NBEA: variants seen among roughly 807,000 people sequenced by gnomAD.
NBEA encodes lysosomal-trafficking regulator 2.
Under a neutral mutation model 343.4 loss-of-function variants are expected in NBEA, and 44 were observed. The observed-to-expected ratio is 0.13, with a 90% CI of 0.10 to 0.16. The LOEUF (loss-of-function observed/expected upper bound fraction) is 0.16, where lower values mean the gene tolerates loss of function less well. NBEA is among the 10% of genes least tolerant of loss of function. The probability of loss-of-function intolerance (pLI) is 1.00; values close to 1 mark genes in which losing one functional copy is unlikely to be tolerated. For missense variants in NBEA, 2,555 were observed against 3,631.3 expected (o/e 0.70, Z 7.62); for synonymous variants, 1,175 against 1,238.7 (o/e 0.95, Z 1.08).
rs1204328622 is a variant in NBEA, at chr13:35,384,102, C to G, written c.6179+31779C>G. ...ATACCAAGGCCCAGTCACACCCATA[C>G]TGAGTGAGGTAGCATGCGGAAGTCA... On this transcript the variant is annotated intron_variant, in intron 38 of 58. Transcript: ENST00000379939. 3.9e-5 allele frequency among the ~76,000 whole-genome samples: 6 copies of G among 152,060 alleles called. No individual in the cohort carries two copies. The East Asian group carries it at 1.2e-3, about 29-fold the overall frequency.
At chr13:35,566,215 G>T (rs542078607) in intron 44 of NBEA, among the ~76,000 whole-genome samples, 128 of 152,174 alleles carry the variant, frequency 8.4e-4, no homozygotes, top group Non-Finnish European at 1.6e-3. Flanking sequence ...ACAAAAATTA[G>T]CCAGGTGCGG....
At chr13:35,093,553 C>T (rs569427440) in intron 10 of NBEA, among the ~76,000 whole-genome samples, 1 of 152,006 alleles carries the variant, frequency 6.6e-6, no homozygotes, top group Non-Finnish European at 1.5e-5. Context: ...GGAGCCAGCA[C>T]CAAGATAAAG....
At chr13:35,225,004 A>G (rs1372871256) in intron 33 of NBEA, among the ~76,000 whole-genome samples, 1 of 151,772 alleles carries the variant, frequency 6.6e-6, no homozygotes, top group African/African-American at 2.4e-5. Flanking sequence ...AAATTTCTCT[A>G]CTTTTACTTT....
intron 55 of NBEA, among the ~76,000 whole-genome samples, chr13:35,658,905 C>A (rs555413205): frequency 1.3e-5 from 2 of 152,260 alleles, no homozygotes; most frequent in East Asian, 3.9e-4. Flanking sequence ...CAGGCAGTCA[C>A]AGCACACACT....
chr13:35,228,560 G>A (rs1350821559), intron 33 of NBEA, among the ~76,000 whole-genome samples: 1 of 151,944 alleles, frequency 6.6e-6, no homozygotes, highest in Non-Finnish European at 1.5e-5. Flanking sequence ...CAAGTCACCA[G>A]CCTCCAGTGT....
chr13:35,042,416 CAT>C (rs1271848835), intron 2 of NBEA, among the ~76,000 whole-genome samples: 5 of 151,846 alleles, frequency 3.3e-5, no homozygotes, highest in South Asian at 4.1e-4. Flanking sequence ...TACATGTACA[CAT>C]GTTTTATAGA....
At chr13:35,098,624 T>G (rs2065458836) in intron 11 of NBEA, among the ~76,000 whole-genome samples, 1 of 152,086 alleles carries the variant, frequency 6.6e-6, no homozygotes, top group African/African-American at 2.4e-5. Context: ...AATAAAAAAT[T>G]TACATCTATA....
In NBEA at chr13:35,562,434, C is replaced by T. The variant is rs143693859; in HGVS notation, c.6923-4471C>T. 2.9e-3 allele frequency among the ~76,000 whole-genome samples: 447 copies of T among 151,998 alleles called. 1 individual carries two copies. The highest frequency in any genetic ancestry group is 5.0e-3 in the Non-Finnish European group (340 of 67,888). ...GCATTTTAAAAAATAGGAGAGTAAC[C>T]GCTAACACGGCTTTGTGTAAATGAT... On this transcript the variant is annotated intron_variant, in intron 44 of 58. Coordinates refer to ENST00000379939, the MANE Select transcript of NBEA (RefSeq NM_001385012.1).
At chr13:35,559,676 G>T (rs1049555196) in intron 44 of NBEA, among the ~76,000 whole-genome samples, 1 of 152,114 alleles carries the variant, frequency 6.6e-6, no homozygotes, top group Admixed American at 6.5e-5. Flanking sequence ...AGCACTTTGG[G>T]AGGCCGAGGC....
At chr13:35,515,977 G>T (rs1036383965) in intron 41 of NBEA, among the ~76,000 whole-genome samples, 1 of 152,104 alleles carries the variant, frequency 6.6e-6, no homozygotes, top group African/African-American at 2.4e-5. Context: ...GGTAACACAG[G>T]TGTTTTGCTG....
At chr13:35,456,744 G>A in intron 40 of NBEA, among the ~76,000 whole-genome samples, 1 of 151,788 alleles carries the variant, frequency 6.6e-6, no homozygotes, top group East Asian at 1.9e-4. Flanking sequence ...TTTTAGAATG[G>A]TAGTTCTGTC....
At chr13:35,591,427 T>C (rs1481191024) in intron 46 of NBEA, among the ~76,000 whole-genome samples, 1 of 152,136 alleles carries the variant, frequency 6.6e-6, no homozygotes, top group Non-Finnish European at 1.5e-5. Flanking sequence ...ATATAATTTT[T>C]TTCTAACTTA....
intron 41 of NBEA, among the ~76,000 whole-genome samples, chr13:35,485,990 G>A (rs775015527): frequency 1.3e-5 from 2 of 151,980 alleles, no homozygotes; most frequent in Non-Finnish European, 2.9e-5. Flanking sequence ...TCAGGTAATA[G>A]GTAATTGAGA....
chr13:35,326,293 G>C lies in NBEA; in HGVS notation c.5903+16701G>C, dbSNP rs1370070953. 2.0e-5 allele frequency among the ~76,000 whole-genome samples: 3 copies of C among 152,100 alleles called. No homozygotes were observed. The East Asian group carries it at 5.8e-4, about 29-fold the overall frequency. ...ACATTGGATGTGTTTCCATTTGTTT[G>C]TGTCATCTATGATTTCTTTCAGCAG... On this transcript the variant is annotated intron_variant, in intron 36 of 58. Transcript: ENST00000379939.
intron 11 of NBEA, among the ~76,000 whole-genome samples, chr13:35,107,517 T>A (rs1432407812): frequency 2.6e-5 from 4 of 152,014 alleles, no homozygotes; most frequent in Non-Finnish European, 5.9e-5. Flanking sequence ...CTGTTAACCA[T>A]CCTTCTGCAA....
chr13:35,220,697 G>A (rs1358207312), intron 33 of NBEA, among the ~76,000 whole-genome samples: 3 of 151,896 alleles, frequency 2.0e-5, no homozygotes, highest in Non-Finnish European at 2.9e-5. Context: ...CAGGCGCTGT[G>A]GATTTTCTTT....
At chr13:35,057,639 T>C (rs2063319386) in intron 7 of NBEA, among the ~76,000 whole-genome samples, 1 of 152,142 alleles carries the variant, frequency 6.6e-6, no homozygotes, top group African/African-American at 2.4e-5. Flanking sequence ...CAGATGAAAT[T>C]CTGCTTTTTA....
intron 47 of NBEA, among the ~76,000 whole-genome samples, chr13:35,602,624 A>G (rs556953594): frequency 1.5e-3 from 234 of 152,332 alleles, no homozygotes; most frequent in African/African-American, 5.2e-3. Flanking sequence ...CCCTTCAAAC[A>G]TCAAGCCTCT....
chr13:35,494,593 G>T (rs768975348), intron 41 of NBEA, among the ~76,000 whole-genome samples: 3 of 151,942 alleles, frequency 2.0e-5, no homozygotes, highest in Admixed American at 6.6e-5. Flanking sequence ...AATGGCAAAA[G>T]AAGGCAGTAA....
Sources: allele counts gnomAD v4.1 joint callset (sites outside exome capture counted in the v4.1 genomes callset), GRCh38; gene constraint gnomAD v4.1.1; transcripts MANE v1.5; gene names NCBI Gene and HGNC (gene_info 2026-07-23, HGNC 2026-07-21).